The following EPCIP variants were observed in gnomAD, a reference collection of about 807,000 sequenced individuals.
The protein encoded by EPCIP is exosomal polycystin 1 interacting protein, also known as exosomal polycystin-1-interacting protein.
chr21:32,807,593 G>A, the EPCIP span: 5 of 152,276 alleles, frequency 3.3e-5, no homozygotes, highest in African/African-American at 1.2e-4. Flanking sequence ...CCAAAGTGCT[G>A]GGATTACAGG....
the EPCIP span, chr21:32,797,263 C>CT: frequency 4.5e-5 from 12 of 266,856 alleles, no homozygotes; most frequent in African/African-American, 2.5e-4. Context: ...TCATGAATTT[C>CT]TTTTTTCTCT....
the EPCIP span, chr21:32,813,678 G>T: frequency 2.5e-5 from 12 of 471,222 alleles, no homozygotes; most frequent in African/African-American, 2.4e-4. Flanking sequence ...TTGACAGCTG[G>T]TTTAATCTGC....
At chr21:32,794,853 C>T in the EPCIP span, among the ~76,000 whole-genome samples, 1 of 152,192 alleles carries the variant, frequency 6.6e-6, no homozygotes, top group African/African-American at 2.4e-5. Flanking sequence ...GCACATTCTC[C>T]AAACATCCAA....
the EPCIP span, among the ~76,000 whole-genome samples, chr21:32,807,433 A>G: frequency 2.7e-5 from 4 of 149,862 alleles, no homozygotes; most frequent in African/African-American, 9.8e-5. Flanking sequence ...CCCGGGTTCA[A>G]GTGATTCTCC....
the EPCIP span, chr21:32,807,574 C>T: frequency 6.6e-6 from 1 of 152,268 alleles, no homozygotes; most frequent in Admixed American, 6.5e-5. Flanking sequence ...ATCCACCTGC[C>T]TCAGCCTCCC....
the EPCIP span, among the ~76,000 whole-genome samples, chr21:32,801,117 G>T: frequency 4.6e-5 from 7 of 152,272 alleles, no homozygotes; most frequent in Non-Finnish European, 8.8e-5. Flanking sequence ...GAAGATGGCA[G>T]AACTGTAGAC....
the EPCIP span, chr21:32,794,488 G>C: frequency 1.6e-4 from 238 of 1,458,148 alleles, no homozygotes; most frequent in Admixed American, 4.4e-4. Flanking sequence ...GAACTCACCT[G>C]AAAGAAAAGA....
the EPCIP span, among the ~76,000 whole-genome samples, chr21:32,800,930 C>T: frequency 6.6e-6 from 1 of 152,332 alleles, no homozygotes; most frequent in East Asian, 1.9e-4. Flanking sequence ...CTTATTGCGT[C>T]TTACAACCTA....
chr21:32,805,115 A>G, the EPCIP span, among the ~76,000 whole-genome samples: 1 of 152,206 alleles, frequency 6.6e-6, no homozygotes, highest in African/African-American at 2.4e-5. Context: ...CAGGGTCCTT[A>G]TAAGAAGAAG....
chr21:32,799,736 G>A, the EPCIP span, among the ~76,000 whole-genome samples: 1 of 152,216 alleles, frequency 6.6e-6, no homozygotes, highest in Non-Finnish European at 1.5e-5. Flanking sequence ...GAGGTCAGGA[G>A]TTCAAGACCG....
At chr21:32,808,266 C>G in the EPCIP span, among the ~76,000 whole-genome samples, 1 of 150,618 alleles carries the variant, frequency 6.6e-6, no homozygotes, top group Admixed American at 6.6e-5. Context: ...GAAAATGAGT[C>G]AGACACTAAT....
At chr21:32,802,386 C>T in the EPCIP span, among the ~76,000 whole-genome samples, 1 of 152,164 alleles carries the variant, frequency 6.6e-6, no homozygotes, top group Non-Finnish European at 1.5e-5. Flanking sequence ...AGGTAAGCTC[C>T]CTCTTTGGAG....
At chr21:32,809,279 C>CCTTTCTTTCTTCCTTT in the EPCIP span, among the ~76,000 whole-genome samples, 10 of 80,064 alleles carry the variant, frequency 1.2e-4, no homozygotes, top group African/African-American at 4.6e-4. Context: ...CTCCCTCCTT[C>CCTTTCTTTCTTCCTTT]CTTTCTTTCT....
At chr21:32,795,649 G>A in the EPCIP span, among the ~76,000 whole-genome samples, 1 of 152,230 alleles carries the variant, frequency 6.6e-6, no homozygotes, top group African/African-American at 2.4e-5. Flanking sequence ...GGAAGGGTCA[G>A]TCTGAAGAGC....
chr21:32,807,716 C>A, the EPCIP span: 3 of 152,248 alleles, frequency 2.0e-5, no homozygotes, highest in South Asian at 2.1e-4. Flanking sequence ...CATTGTATGG[C>A]CTAGACATGG....
chr21:32,810,540 C>T, the EPCIP span: 22 of 466,214 alleles, frequency 4.7e-5, no homozygotes, highest in South Asian at 2.8e-4. Flanking sequence ...GGATTACAGG[C>T]GTGAACCACC....
At chr21:32,799,730 T>G in the EPCIP span, among the ~76,000 whole-genome samples, 1 of 152,136 alleles carries the variant, frequency 6.6e-6, no homozygotes, top group Non-Finnish European at 1.5e-5. Context: ...TCATTTGAGG[T>G]CAGGAGTTCA....
chr21:32,808,978 C>A, the EPCIP span, among the ~76,000 whole-genome samples: 4 of 152,102 alleles, frequency 2.6e-5, no homozygotes, highest in Admixed American at 2.6e-4. Flanking sequence ...ACCGAGTGCC[C>A]ATGAAATAGT....
the EPCIP span, chr21:32,793,543 GT>G: frequency 6.6e-6 from 4 of 608,656 alleles, no homozygotes; most frequent in South Asian, 2.0e-5. Flanking sequence ...TGGTTTTTTG[GT>G]TTCTTTTTCT....
Sources: allele counts gnomAD v4.1 joint callset (sites outside exome capture counted in the v4.1 genomes callset), GRCh38; gene constraint gnomAD v4.1.1; transcripts MANE v1.5; gene names NCBI Gene and HGNC (gene_info 2026-07-23, HGNC 2026-07-21).